CACNG2: variants seen among roughly 807,000 people sequenced by gnomAD.
CACNG2 encodes voltage-dependent calcium channel gamma-2 subunit.
In CACNG2, 3 loss-of-function variants were observed where a neutral mutation model predicts 25.9. The observed-to-expected ratio is 0.12, with a 90% CI of 0.05 to 0.30. The LOEUF is 0.30. CACNG2 is among the 10% of genes least tolerant of loss of function. The pLI is 1.00. For missense variants in CACNG2, 341 were observed against 432.5 expected, an observed-to-expected ratio of 0.79 and a Z score of 1.88; for synonymous variants, 167 against 173.3, an observed-to-expected ratio of 0.96 and a Z score of 0.29.
At chr22:36,631,818 G>A (rs1311359982) in intron 1 of CACNG2, among the ~76,000 whole-genome samples, 1 of 151,574 alleles carries the variant, frequency 6.6e-6, no homozygotes. Context: ...ACAGATATGA[G>A]GGCCAGCGGG....
intron 2 of CACNG2, among the ~76,000 whole-genome samples, chr22:36,567,646 T>TG (rs1935149398): frequency 7.9e-6 from 1 of 126,856 alleles, no homozygotes; most frequent in Non-Finnish European, 1.7e-5. Context: ...CATGTGTTTG[T>TG]GGGGGGAGCA....
chr22:36,690,678 C>T (rs1392435005), intron 1 of CACNG2, among the ~76,000 whole-genome samples: 1 of 152,068 alleles, frequency 6.6e-6, no homozygotes, highest in Admixed American at 6.5e-5. Flanking sequence ...GAACATAGCT[C>T]ATAAGTGACA....
chr22:36,617,898 C>T (rs1364856322), intron 1 of CACNG2, among the ~76,000 whole-genome samples: 1 of 151,822 alleles, frequency 6.6e-6, no homozygotes, highest in Non-Finnish European at 1.5e-5. Flanking sequence ...ACCATCAACC[C>T]GAACCTTAAA....
intron 1 of CACNG2, among the ~76,000 whole-genome samples, chr22:36,646,247 C>T (rs185213753): frequency 8.5e-5 from 13 of 152,206 alleles, no homozygotes; most frequent in Non-Finnish European, 2.9e-5. Flanking sequence ...GCCGAGGAAA[C>T]TTACCCCCTG....
intron 1 of CACNG2, among the ~76,000 whole-genome samples, chr22:36,610,270 T>TGATTGGGAGGAATCAGCCCCTC (rs1935918640): frequency 7.1e-6 from 1 of 141,728 alleles, no homozygotes; most frequent in Admixed American, 6.9e-5. Context: ...ATCAGCCCCT[T>TGATTGGGAGGAATCAGCCCCTC]AGAGCGTGAT....
At chr22:36,661,344 A>C (rs1052888899) in intron 1 of CACNG2, among the ~76,000 whole-genome samples, 1 of 152,144 alleles carries the variant, frequency 6.6e-6, no homozygotes. Context: ...TTAGTCGGAG[A>C]TTACACGGTG....
intron 1 of CACNG2, among the ~76,000 whole-genome samples, chr22:36,615,723 G>A (rs1713173410): frequency 6.6e-6 from 1 of 152,160 alleles, no homozygotes; most frequent in Non-Finnish European, 1.5e-5. Flanking sequence ...CAGCACCAGA[G>A]TATAGACCCA....
intron 1 of CACNG2, among the ~76,000 whole-genome samples, chr22:36,616,878 C>T (rs1196943529): frequency 6.6e-6 from 1 of 152,154 alleles, no homozygotes; most frequent in East Asian, 1.9e-4. Context: ...CTGTGTTGGG[C>T]ATTGTGATAG....
At chr22:36,599,490 A>G (rs1349663358) in intron 1 of CACNG2, among the ~76,000 whole-genome samples, 1 of 152,170 alleles carries the variant, frequency 6.6e-6, no homozygotes, top group African/African-American at 2.4e-5. Flanking sequence ...GCATGAGCCC[A>G]GGAGTTCCAA....
chr22:36,576,913 C>T (rs1935326705), intron 2 of CACNG2, among the ~76,000 whole-genome samples: 1 of 152,138 alleles, frequency 6.6e-6, no homozygotes, highest in Non-Finnish European at 1.5e-5. Flanking sequence ...TATATAATAG[C>T]ACATGAAAAG....
In CACNG2 at chr22:36,642,570, AG is replaced by A; in HGVS notation, c.212-55023del. Among the ~76,000 whole-genome samples, 2 of 152,316 alleles carry A rather than the reference AG, an allele frequency of 1.3e-5. 1 individual carries two copies. Among genetic ancestry groups the A allele is most frequent in the Admixed American group, 1.3e-4 (2 of 15,294 alleles). On this transcript the variant is annotated intron_variant, in intron 1 of 3. Coordinates refer to ENST00000300105, the MANE Select transcript of CACNG2 (RefSeq NM_006078.5). ...ACTGTTGTTTCTATTGCATCAGTAA[AG>A]CCCTGTTAGCTTTTAGAGAAGGATC...
At chr22:36,658,087 G>A (rs1936735208) in intron 1 of CACNG2, among the ~76,000 whole-genome samples, 1 of 152,140 alleles carries the variant, frequency 6.6e-6, no homozygotes, top group Admixed American at 6.5e-5. Context: ...ATTACAGCAG[G>A]TACTGGTTTG....
intron 1 of CACNG2, among the ~76,000 whole-genome samples, chr22:36,695,423 C>A (rs578113795): frequency 6.6e-6 from 1 of 152,072 alleles, no homozygotes; most frequent in South Asian, 2.1e-4. Flanking sequence ...CTAACAAAGC[C>A]CTTTGGGTCC....
In CACNG2 at chr22:36,564,930, C is replaced by A. The variant is rs1195097705; in HGVS notation, c.437-44G>T. On this transcript the variant is annotated intron_variant, in intron 3 of 3. Transcript: ENST00000300105. This position sits in a 1 kb window ranked among gnomAD's most constrained non-coding sequence, Gnocchi z 6.7. ...CGGGGTGGGGGATCAGAGAGAAGGA[C>A]GTTAGTTTCTCAGGAAGTCGGCCAC... The A allele has an allele frequency of 6.3e-7, 1 of 1,576,276 alleles. No individual in the cohort carries two copies. The highest frequency in any genetic ancestry group is 8.6e-7 in the Non-Finnish European group (1 of 1,156,762).
At chr22:36,594,831 G>A (rs377486659) in intron 1 of CACNG2, among the ~76,000 whole-genome samples, 33 of 146,258 alleles carry the variant, frequency 2.3e-4, no homozygotes, top group African/African-American at 8.4e-4. Flanking sequence ...TGTGTACATC[G>A]GTGTGTGTGT....
Position 36,560,903 on chromosome 22 carries a change from G to C in CACNG2, c.*3448C>G, listed in dbSNP as rs1351337893. The C allele has an allele frequency of 1.3e-5, 2 of 149,640 alleles. No individual in the cohort carries two copies. Among genetic ancestry groups the C allele is most frequent in the African/African-American group, 4.9e-5 (2 of 40,568 alleles). The allele number at this position is 149,640 out of a possible 1,614,324, so 9.3% of individuals were successfully genotyped here. A position where few individuals can be genotyped will look rare whatever the true frequency, so the allele number is the denominator to read the frequency against. On this transcript the variant is annotated 3_prime_UTR_variant, in exon 4 of 4. Transcript: ENST00000300105. ...AAAAAATCTTTATTTCATGTACCAGGATTTTTTTTTTCAGTTTTCTGCTTT... is the reference window on the plus strand; with the variant it reads ...AAAAAATCTTTATTTCATGTACCAGCATTTTTTTTTTCAGTTTTCTGCTTT...
chr22:36,614,902 C>T (rs924507248), intron 1 of CACNG2, among the ~76,000 whole-genome samples: 3 of 152,218 alleles, frequency 2.0e-5, no homozygotes, highest in Non-Finnish European at 4.4e-5. Context: ...AAAGAAGCTT[C>T]GGAGTCTGGG....
At chr22:36,690,419 C>T (rs1156987837) in intron 1 of CACNG2, among the ~76,000 whole-genome samples, 1 of 152,096 alleles carries the variant, frequency 6.6e-6, no homozygotes, top group South Asian at 2.1e-4. Flanking sequence ...ATTTGTAGAA[C>T]ATTTGAGGGC....
intron 1 of CACNG2, among the ~76,000 whole-genome samples, chr22:36,611,984 A>T (rs1435969785): frequency 6.6e-6 from 1 of 152,250 alleles, no homozygotes; most frequent in African/African-American, 2.4e-5. Flanking sequence ...ACCAATGTCA[A>T]AACATGGTTG....
Sources: gnomAD v4.1 joint callset for allele counts (sites outside exome capture counted in the v4.1 genomes callset) on GRCh38, gnomAD v4.1.1 for gene constraint, Gnocchi (gnomAD v3.1) non-coding constraint, MANE v1.5 for transcripts, NCBI Gene and HGNC (gene_info 2026-07-23, HGNC 2026-07-21) for gene names.